The following MAGI2 variants were observed in gnomAD, a reference collection of about 807,000 sequenced individuals.
MAGI2 encodes membrane associated guanylate kinase, WW and PDZ domain containing 2.
Under a neutral mutation model 133.3 loss-of-function variants are expected in MAGI2, and 35 were observed. The observed-to-expected ratio is 0.26, with a 90% CI of 0.20 to 0.35. The LOEUF (loss-of-function observed/expected upper bound fraction) is 0.35, where lower values mean the gene tolerates loss of function less well. MAGI2 is among the 10% of genes least tolerant of loss of function. The probability of loss-of-function intolerance (pLI) is 1.00; values close to 1 mark genes in which losing one functional copy is unlikely to be tolerated. For missense variants in MAGI2, 1,636 were observed against 1,863.4 expected (o/e 0.88, Z 2.25); for synonymous variants, 729 against 710.6 (o/e 1.03, Z -0.41).
chr7:79,207,701 T>C (rs967475189), intron 1 of MAGI2, among the ~76,000 whole-genome samples: 2 of 151,846 alleles, frequency 1.3e-5, no homozygotes, highest in East Asian at 1.9e-4. Flanking sequence ...CTAAAATTCA[T>C]ATGGAAAAAC....
intron 1 of MAGI2, among the ~76,000 whole-genome samples, chr7:79,331,662 G>C (rs1398858969): frequency 6.6e-6 from 1 of 152,130 alleles, no homozygotes; most frequent in African/African-American, 2.4e-5. Context: ...ATGATTCATG[G>C]ATCTTTTGAT....
chr7:78,065,529 C>G (rs13438273), intron 21 of MAGI2: 1 of 641,536 alleles, frequency 1.6e-6, no homozygotes, highest in East Asian at 2.7e-5. Context: ...TATGCAAAAC[C>G]AAGGCTCATT....
intron 10 of MAGI2, chr7:78,253,567 T>A (rs1446702405): frequency 6.7e-6 from 1 of 148,336 alleles, no homozygotes; most frequent in African/African-American, 2.4e-5. Context: ...CACACACTTA[T>A]CCCATCTATA....
intron 1 of MAGI2, among the ~76,000 whole-genome samples, chr7:79,356,971 ATTTCCATG>A (rs1372266542): frequency 6.6e-6 from 1 of 152,176 alleles, no homozygotes; most frequent in East Asian, 1.9e-4. Context: ...AGGAGAAGAA[ATTTCCATG>A]TTTAAATCTG....
At chr7:79,083,759 A>C (rs1436996531) in intron 1 of MAGI2, among the ~76,000 whole-genome samples, 2 of 151,618 alleles carry the variant, frequency 1.3e-5, no homozygotes. Flanking sequence ...TTCTTCTTTA[A>C]AAGCTTGGTG....
intron 2 of MAGI2, among the ~76,000 whole-genome samples, chr7:78,726,770 T>C (rs1820854261): frequency 6.6e-6 from 1 of 152,224 alleles, no homozygotes; most frequent in Non-Finnish European, 1.5e-5. Flanking sequence ...ATAATATTGC[T>C]ACAAATTATG....
chr7:78,874,849 A>G (rs509799), intron 2 of MAGI2, among the ~76,000 whole-genome samples: 82,441 of 152,038 alleles, frequency 0.54, 24,176 homozygotes, highest in Middle Eastern at 0.69. Context: ...ATCATTACAC[A>G]TTGTAACAAG....
intron 3 of MAGI2, among the ~76,000 whole-genome samples, chr7:78,560,497 A>G (rs1007219064): frequency 3.9e-5 from 6 of 152,220 alleles, no homozygotes; most frequent in African/African-American, 1.4e-4. Context: ...TTAAATTATC[A>G]TCTTCTAAGA....
chr7:78,923,389 TC>T (rs901270206), intron 2 of MAGI2, among the ~76,000 whole-genome samples: 1 of 152,196 alleles, frequency 6.6e-6, no homozygotes, highest in African/African-American at 2.4e-5. Flanking sequence ...AAGGAAGGGA[TC>T]CAGCTTCAGA....
intron 2 of MAGI2, among the ~76,000 whole-genome samples, chr7:78,657,765 T>C (rs555989026): frequency 6.6e-6 from 1 of 152,166 alleles, no homozygotes; most frequent in Admixed American, 6.5e-5. Flanking sequence ...TCCAGACTCA[T>C]AGAATATACA....
At chr7:79,185,505 C>G (rs966646381) in intron 1 of MAGI2, among the ~76,000 whole-genome samples, 11 of 139,986 alleles carry the variant, frequency 7.9e-5, no homozygotes, top group Admixed American at 5.5e-4. Context: ...CAGTTGGTTA[C>G]CAATTTGGTC....
At chr7:78,466,413 T>C (rs1790638881) in intron 6 of MAGI2, among the ~76,000 whole-genome samples, 1 of 152,220 alleles carries the variant, frequency 6.6e-6, no homozygotes, top group Non-Finnish European at 1.5e-5. Context: ...AAATCAGTGA[T>C]TGCGTCCATT....
At chr7:79,126,576 T>C (rs1820424318) in intron 1 of MAGI2, among the ~76,000 whole-genome samples, 1 of 152,132 alleles carries the variant, frequency 6.6e-6, no homozygotes, top group Non-Finnish European at 1.5e-5. Flanking sequence ...TGGATCTAGA[T>C]ATGCCTGAAG....
chr7:78,716,788 A>T (rs1819747548), intron 2 of MAGI2, among the ~76,000 whole-genome samples: 1 of 152,122 alleles, frequency 6.6e-6, no homozygotes, highest in African/African-American at 2.4e-5. Context: ...GTTTATGAGG[A>T]TGTAAGACCC....
intron 2 of MAGI2, among the ~76,000 whole-genome samples, chr7:78,634,129 TTGAG>T (rs1809368553): frequency 6.6e-6 from 1 of 152,204 alleles, no homozygotes; most frequent in South Asian, 2.1e-4. Flanking sequence ...TTTTTACTGT[TTGAG>T]TATGAAAAAA....
At chr7:79,058,103 G>A (rs184229240) in intron 1 of MAGI2, among the ~76,000 whole-genome samples, 433 of 152,038 alleles carry the variant, frequency 2.8e-3, no homozygotes, top group Non-Finnish European at 5.1e-3. Context: ...GGTGGAGAGG[G>A]GGGAAGAAGA....
intron 17 of MAGI2, 55 bp downstream of exon 17, chr7:78,134,966 G>A (rs933232628): frequency 3.6e-5 from 54 of 1,511,752 alleles, no homozygotes; most frequent in African/African-American, 1.8e-4. Flanking sequence ...GAGAACACCC[G>A]GTGAGTGTGT....
chr7:78,549,195 G>A (rs1376520260), intron 3 of MAGI2, among the ~76,000 whole-genome samples: 1 of 152,016 alleles, frequency 6.6e-6, no homozygotes, highest in Non-Finnish European at 1.5e-5. Flanking sequence ...AGTGGGCCTG[G>A]AACTATTAGC....
At chr7:79,130,900 AATTC>A (rs10555338) in intron 1 of MAGI2, among the ~76,000 whole-genome samples, 98,419 of 150,590 alleles carry the variant, frequency 0.65, 34,532 homozygotes, top group Non-Finnish European at 0.8. Flanking sequence ...GAAAGTCACC[AATTC>A]ATTCATTCAT....
Sources: gnomAD v4.1 joint callset for allele counts (sites outside exome capture counted in the v4.1 genomes callset) on GRCh38, gnomAD v4.1.1 for gene constraint, MANE v1.5 for transcripts, NCBI Gene and HGNC (gene_info 2026-07-23, HGNC 2026-07-21) for gene names.